The following RLIM variants were observed in gnomAD, a reference collection of about 807,000 sequenced individuals.
RLIM encodes E3 ubiquitin-protein ligase RLIM.
Under a neutral mutation model 34.0 loss-of-function variants are expected in RLIM, and 2 were observed. The ratio of observed to expected loss-of-function variants is 0.06; its 90% CI spans 0.02 to 0.19. RLIM has a LOEUF of 0.19. RLIM is among the 10% of genes least tolerant of loss of function. The pLI, the probability that RLIM is intolerant of heterozygous loss-of-function variation, is 1.00. For synonymous variants in RLIM, 169 were observed against 164.0 expected (o/e 1.03, Z -0.23); for missense variants, 286 against 479.7 (o/e 0.60, Z 3.77).
At position 74,584,349 on chromosome X, in the gene RLIM, TGTG is replaced by T. The variant is rs1187436155; in HGVS notation, c.*7088_*7090del. 1.8e-5 allele frequency among the ~76,000 whole-genome samples: 2 copies of T among 112,048 alleles called. No homozygotes were observed. ...TGGTATACTTTCACCTCACAGTCAC[TGTG>T]ATGATTAAATAATTTATATAGAATA... On this transcript the variant is annotated 3_prime_UTR_variant, in exon 4 of 4. Coordinates refer to ENST00000332687, the MANE Select transcript of RLIM (RefSeq NM_016120.4).
rs2079598216 is a variant in RLIM at position 74,588,633 on chromosome X, T to TG, written c.*2806dup. The stretch of plus-strand genomic sequence containing the variant: ...GTACTTTTCCTTATGCTCTGAACAA[T>TG]GTGAACTCCCAACATTGTTTATCCT... On this transcript the variant is annotated 3_prime_UTR_variant, in exon 4 of 4. Coordinates refer to ENST00000332687, the MANE Select transcript of RLIM (RefSeq NM_016120.4). 8.9e-6 allele frequency: 1 copy of TG among 112,397 alleles called. No homozygotes were observed. The highest frequency in any genetic ancestry group is 1.9e-5 in the Non-Finnish European group (1 of 53,309). The allele number at this position is 112,397 out of a possible 1,213,427, so 9.3% of individuals were successfully genotyped here. A position where few individuals can be genotyped will look rare whatever the true frequency, so the allele number is the denominator to read the frequency against.
chrX:74,603,338 A>G (rs962953160), intron 1 of RLIM, among the ~76,000 whole-genome samples: 1 of 108,966 alleles, frequency 9.2e-6, no homozygotes, highest in African/African-American at 3.4e-5. Flanking sequence ...GTCCCCTCTT[A>G]GCTTCTCCCT....
Position 74,584,642 on chromosome X carries a change from T to C in RLIM, c.*6798A>G, listed in dbSNP as rs1931302267. 9.0e-6 allele frequency among the ~76,000 whole-genome samples: 1 copy of C among 110,997 alleles called. No individual in the cohort carries two copies. Among genetic ancestry groups the C allele is most frequent in the Non-Finnish European group, 1.9e-5 (1 of 53,023 alleles). ...CCCAGGCTGGAGTGCATCAGCATGA[T>C]CATGGCTCACTGCAGCCTTGACCTC... On this transcript the variant is annotated 3_prime_UTR_variant, in exon 4 of 4. Transcript: ENST00000332687.
At chrX:74,600,431 AAGTC>A (rs949495304) in intron 1 of RLIM, among the ~76,000 whole-genome samples, 12 of 111,533 alleles carry the variant, frequency 1.1e-4, no homozygotes, top group Non-Finnish European at 2.1e-4. Context: ...AGGAAAAAAA[AAGTC>A]AGCCATAATT....
chrX:74,593,985 T>G (rs2079628281), intron 3 of RLIM, among the ~76,000 whole-genome samples: 2 of 112,314 alleles, frequency 1.8e-5, no homozygotes, highest in Non-Finnish European at 1.9e-5. Context: ...TTTTTGCTGG[T>G]GAAGAAGTCA....
chrX:74,613,112 A>T (rs913653036), intron 1 of RLIM, among the ~76,000 whole-genome samples: 55 of 110,768 alleles, frequency 5.0e-4, no homozygotes, highest in Non-Finnish European at 8.9e-4. Context: ...CAGTTTAGAA[A>T]AGTCATGGGG....
intron 3 of RLIM, among the ~76,000 whole-genome samples, chrX:74,593,808 C>G (rs1236044881): frequency 1.8e-5 from 2 of 112,287 alleles, no homozygotes; most frequent in Non-Finnish European, 3.8e-5. Context: ...GTACTACTGA[C>G]ATTTTAAGCC....
rs952677683 is a variant in RLIM, at chrX:74,603,407, T to C, written c.-23-7407A>G. Among the ~76,000 whole-genome samples, 5 of 111,194 alleles carry C rather than the reference T, an allele frequency of 4.5e-5. No individual in the cohort carries two copies. In the Admixed American group the frequency reaches 4.8e-4, roughly 11 times the overall value. On this transcript the variant is annotated intron_variant, in intron 1 of 3. Coordinates refer to ENST00000332687, the MANE Select transcript of RLIM (RefSeq NM_016120.4). The stretch of plus-strand genomic sequence containing the variant: ...TCCCTCCTAAGGAGCTATTACTATC[T>C]CAGCTAGCAATTTTTCCATCCATCT...
chrX:74,593,152 A>C, intron 3 of RLIM, 91 bp from the exon 4 acceptor site: 1 of 934,377 alleles, frequency 1.1e-6, no homozygotes, highest in Non-Finnish European at 1.4e-6. Context: ...GCATTAAATA[A>C]CTTAAAAATT....
At chrX:74,605,585 G>A (rs1043437567) in intron 1 of RLIM, among the ~76,000 whole-genome samples, 3 of 112,107 alleles carry the variant, frequency 2.7e-5, no homozygotes, top group African/African-American at 9.7e-5. Context: ...TCGTAAAAGA[G>A]AAGGTCATAA....
chrX:74,604,752 T>C (rs987190999), intron 1 of RLIM, among the ~76,000 whole-genome samples: 1 of 111,483 alleles, frequency 9.0e-6, no homozygotes, highest in African/African-American at 3.3e-5. Flanking sequence ...CAGCTCCTGC[T>C]TGATGAGCTT....
At chrX:74,610,056 T>A (rs1172917647) in intron 1 of RLIM, among the ~76,000 whole-genome samples, 6 of 112,486 alleles carry the variant, frequency 5.3e-5, no homozygotes, top group Non-Finnish European at 9.4e-5. Flanking sequence ...ATGCACCAAG[T>A]GCTCTCTGCC....
chrX:74,603,269 C>A (rs1013361917), intron 1 of RLIM, among the ~76,000 whole-genome samples: 1 of 110,445 alleles, frequency 9.1e-6, no homozygotes, highest in Non-Finnish European at 1.9e-5. Context: ...ACCCCATACT[C>A]CCCTCCCCCA....
intron 1 of RLIM, among the ~76,000 whole-genome samples, chrX:74,599,836 T>C (rs1360180218): frequency 1.8e-5 from 2 of 111,477 alleles, no homozygotes; most frequent in Admixed American, 9.6e-5. Flanking sequence ...GTAGTCTATA[T>C]TGGTACTATG....
At chrX:74,594,138 A>T (rs190463652) in intron 3 of RLIM, among the ~76,000 whole-genome samples, 168 bp downstream of exon 3, 141 of 112,362 alleles carry the variant, frequency 1.3e-3, no homozygotes, top group African/African-American at 4.1e-3. Flanking sequence ...TAGAAAAAAA[A>T]TGCTGACATT....
chrX:74,609,280 G>A (rs751460208), intron 1 of RLIM, among the ~76,000 whole-genome samples: 5 of 109,465 alleles, frequency 4.6e-5, no homozygotes, highest in Non-Finnish European at 7.6e-5. Context: ...AAGGTCAAGA[G>A]ATCAAGACCA....
Position 74,587,044 on chromosome X carries a change from C to G in RLIM, c.*4396G>C, listed in dbSNP as rs2079590758. On this transcript the variant is annotated 3_prime_UTR_variant, in exon 4 of 4. Transcript: ENST00000332687. ...AAGGCTGCAGTGAGCTGTGACCATG[C>G]CACTGCACTCCAGCCTGGGTGACAG... 9.0e-6 allele frequency: 1 copy of G among 111,532 alleles called. No homozygotes were observed. The highest frequency in any genetic ancestry group is 9.6e-5 in the Admixed American group (1 of 10,443). 9.2% of individuals were successfully genotyped at this position (111,532 alleles called of 1,213,427 possible).
At position 74,589,953 on chromosome X, in the gene RLIM, T is replaced by C. The variant is rs1407555904; in HGVS notation, c.*1487A>G. The C allele has an allele frequency of 8.9e-6, 1 of 112,053 alleles. No individual in the cohort carries two copies. The highest frequency in any genetic ancestry group is 9.5e-5 in the Admixed American group (1 of 10,518). 9.2% of individuals were successfully genotyped at this position (112,053 alleles called of 1,213,427 possible). On this transcript the variant is annotated 3_prime_UTR_variant, in exon 4 of 4. Transcript: ENST00000332687. Reference sequence around the variant, plus strand: ...CATTTTCATATATGGGCAGCACAATTAAAATTTGAATTTCAAATAACCCAA... The same window carrying C: ...CATTTTCATATATGGGCAGCACAATCAAAATTTGAATTTCAAATAACCCAA...
chrX:74,601,137 T>C (rs1172365524), intron 1 of RLIM, among the ~76,000 whole-genome samples: 1 of 111,806 alleles, frequency 8.9e-6, no homozygotes, highest in Non-Finnish European at 1.9e-5. Context: ...GGTCTTGTAC[T>C]GAGTATGGAG....
Sources: allele counts gnomAD v4.1 joint callset (sites outside exome capture counted in the v4.1 genomes callset), GRCh38; gene constraint gnomAD v4.1.1; transcripts MANE v1.5; gene names NCBI Gene and HGNC (gene_info 2026-07-23, HGNC 2026-07-21).